GABPB2: variants seen among roughly 807,000 people sequenced by gnomAD.
GABPB2 encodes the protein GA binding protein transcription factor subunit beta 2.
GABPB2 carries 23 observed loss-of-function variants against 39.1 expected under a neutral mutation model. The observed-to-expected ratio is 0.59, with a 90% CI of 0.42 to 0.83. The LOEUF (loss-of-function observed/expected upper bound fraction) is 0.83, where lower values mean the gene tolerates loss of function less well. Ranked by LOEUF, GABPB2 falls within the 40% of genes least tolerant of loss-of-function variation. The probability of loss-of-function intolerance (pLI) is 0.00; values close to 1 mark genes in which losing one functional copy is unlikely to be tolerated. For synonymous variants in GABPB2, 184 were observed against 199.3 expected (o/e 0.92, Z 0.65); for missense variants, 467 against 541.1 (o/e 0.86, Z 1.36).
chr1:151,081,441 A>G (rs1571896577), intron 1 of GABPB2, among the ~76,000 whole-genome samples: 1 of 152,134 alleles, frequency 6.6e-6, no homozygotes, highest in East Asian at 2.0e-4. Context: ...GTGAACCGAG[A>G]TTGTGTCACT....
At chr1:151,083,453 G>A (rs1326790012) in intron 1 of GABPB2, among the ~76,000 whole-genome samples, 1 of 152,082 alleles carries the variant, frequency 6.6e-6, no homozygotes, top group Non-Finnish European at 1.5e-5. Flanking sequence ...CCAACATGGC[G>A]AAAACCTGTC....
rs1571903893 is a variant in GABPB2 at position 151,083,649 on chromosome 1, A to C, written c.1-4541A>C. On this transcript the variant is annotated intron_variant, in intron 1 of 8. Transcript: ENST00000368918. ...ACTCCGTCTCTATAGAGAGAAAAAAAAAAAATTATATATATATATATGTAT... is the reference window on the plus strand; with the variant it reads ...ACTCCGTCTCTATAGAGAGAAAAAACAAAAATTATATATATATATATGTAT... 2.7e-5 allele frequency among the ~76,000 whole-genome samples: 4 copies of C among 149,318 alleles called. No homozygotes were observed. In the South Asian group the frequency reaches 8.4e-4, roughly 31 times the overall value.
chr1:151,117,851 T>C, intron 8 of GABPB2, 106 bp from the exon 9 acceptor site: 9 of 1,113,460 alleles, frequency 8.1e-6, no homozygotes, highest in Non-Finnish European at 1.0e-5. Flanking sequence ...CCCAAAGTGC[T>C]TGGATTATAG....
intron 1 of GABPB2, 49 bp downstream of exon 1, chr1:151,070,983 G>A (rs892285188): frequency 1.3e-5 from 2 of 149,472 alleles, no homozygotes; most frequent in African/African-American, 5.1e-5. Flanking sequence ...GTCAGGGCTG[G>A]AAAGGAAAGT....
Position 151,107,216 on chromosome 1 carries a change from C to A in GABPB2, c.916C>A (p.Gln306Lys). 1 of 1,573,436 alleles carries A rather than the reference C, an allele frequency of 6.4e-7. No individual in the cohort carries two copies. Among genetic ancestry groups the A allele is most frequent in the South Asian group, 1.2e-5 (1 of 84,458 alleles). The part of the protein sequence containing the change: ...QPFIVTVQDG[Q>K]QVLTVPAGKV... ...ATTTATTGTAACTGTGCAAGATGGACAGCAAGGTGAGTTATCTCTTGTAGA... is the reference window on the plus strand; with the variant it reads ...ATTTATTGTAACTGTGCAAGATGGAAAGCAAGGTGAGTTATCTCTTGTAGA... Residue 306 changes from glutamine to lysine, a missense_variant, in exon 7 of 9, where the codon CAG becomes AAG. Physicochemically the swap from Gln to Lys is moderately conservative, Grantham distance 53. Coordinates refer to ENST00000368918, the MANE Select transcript of GABPB2 (RefSeq NM_144618.3).
At chr1:151,081,524 A>G (rs922836440) in intron 1 of GABPB2, among the ~76,000 whole-genome samples, 2 of 152,194 alleles carry the variant, frequency 1.3e-5, no homozygotes, top group East Asian at 1.9e-4. Context: ...AACAAACCGT[A>G]TATATATATC....
rs1680963700 is a variant in GABPB2 at position 151,117,463 on chromosome 1, C to T, written c.994C>T (p.Leu332=). 1.9e-6 allele frequency: 3 copies of T among 1,613,924 alleles called. No individual in the cohort carries two copies. The highest frequency in any genetic ancestry group is 1.7e-5 in the Admixed American group (1 of 60,004). ...IKEEEEEKLP[L]TKKPRIGEKT... ...AGAGGAAGAAGAAGAGAAGTTGCCA[C>T]TAACAAAGAAACCAAGGATAGGAGA... The change falls in exon 8 of 9, where the codon CTA becomes TTA. Residue 332 remains leucine (L), a synonymous_variant. Transcript: ENST00000368918.
intron 1 of GABPB2, among the ~76,000 whole-genome samples, chr1:151,086,816 T>C (rs4421597): frequency 0.93 from 141,144 of 152,072 alleles, 65,541 homozygotes; most frequent in East Asian, 0.97. Context: ...TATAGGCACG[T>C]ACCACCATGC....
chr1:151,073,763 T>C (rs1271701690), intron 1 of GABPB2, among the ~76,000 whole-genome samples: 1 of 151,340 alleles, frequency 6.6e-6, no homozygotes, highest in Non-Finnish European at 1.5e-5. Context: ...CTAATAAAAA[T>C]ACAAAAATTA....
chr1:151,101,056 GC>G (rs1473984396), intron 5 of GABPB2, among the ~76,000 whole-genome samples: 1 of 150,078 alleles, frequency 6.7e-6, no homozygotes, highest in Non-Finnish European at 1.5e-5. Context: ...AGCAGCCTGG[GC>G]AGCATGGTGA....
At chr1:151,088,557 T>A in intron 2 of GABPB2, 4 of 804,448 alleles carry the variant, frequency 5.0e-6, no homozygotes, top group Non-Finnish European at 7.2e-6. Flanking sequence ...TTTTTTAGAG[T>A]ATTTTCTAAA....
chr1:151,083,926 A>T (rs1241447279), intron 1 of GABPB2, among the ~76,000 whole-genome samples: 1 of 150,162 alleles, frequency 6.7e-6, no homozygotes, highest in African/African-American at 2.4e-5. Context: ...TTTTTAGTAG[A>T]GATGGGGTTT....
In GABPB2 at chr1:151,118,303, A is replaced by G. The variant is rs1681042789; in HGVS notation, c.*47A>G. 1 of 1,512,988 alleles carries G rather than the reference A, an allele frequency of 6.6e-7. No homozygotes were observed. Among genetic ancestry groups the G allele is most frequent in the Admixed American group, 2.0e-5 (1 of 49,170 alleles). The allele number at this position is 1,512,988 out of a possible 1,614,324, so 93.7% of individuals were successfully genotyped here. A position where few individuals can be genotyped will look rare whatever the true frequency, so the allele number is the denominator to read the frequency against. The stretch of plus-strand genomic sequence containing the variant: ...ACTGTGTTCATATTAATCCTCTTTT[A>G]AAAAAGGAAATATACAGAAGACAAA... On this transcript the variant is annotated 3_prime_UTR_variant, in exon 9 of 9. Coordinates refer to ENST00000368918, the MANE Select transcript of GABPB2 (RefSeq NM_144618.3).
Position 151,107,090 on chromosome 1 carries a change from G to A in GABPB2, c.790G>A (p.Val264Ile), listed in dbSNP as rs769723567. ...GNSVDSSIQQ[V>I]MGSGGQRVIT... is the part of the protein sequence containing the mutation. ...TTCCGTTGACTCATCAATCCAGCAA[G>A]TAATGGGGAGTGGAGGCCAGAGGGT... is the stretch of plus-strand genomic sequence containing the variant. Residue 264 changes from valine to isoleucine, a missense_variant, in exon 7 of 9, where the codon GTA (valine) becomes ATA (isoleucine). Val to Ile is a conservative substitution (Grantham distance 29). Coordinates refer to ENST00000368918, the MANE Select transcript of GABPB2 (RefSeq NM_144618.3). 12 of 1,613,120 alleles carry A rather than the reference G, an allele frequency of 7.4e-6. No homozygotes were observed. In the East Asian group the frequency reaches 2.7e-4, roughly 36 times the overall value.
At chr1:151,103,506 AT>A (rs747233240) in intron 5 of GABPB2, 55 bp from the exon 6 acceptor site, 8 of 1,166,186 alleles carry the variant, frequency 6.9e-6, no homozygotes, top group Non-Finnish European at 8.9e-6. Context: ...GCTGTTTTTA[AT>A]TTGCCTCAAT....
intron 1 of GABPB2, among the ~76,000 whole-genome samples, chr1:151,071,562 C>T (rs1422103348): frequency 1.3e-5 from 2 of 151,532 alleles, no homozygotes; most frequent in Admixed American, 1.3e-4. Context: ...CTCCGCTTCC[C>T]GGGTTCAAGC....
intron 5 of GABPB2, among the ~76,000 whole-genome samples, chr1:151,102,853 A>C (rs1679643453): frequency 6.6e-6 from 1 of 152,132 alleles, no homozygotes; most frequent in Admixed American, 6.6e-5. Context: ...GAAGGGGACT[A>C]TTCCCTTATC....
chr1:151,101,532 C>G (rs982992535), intron 5 of GABPB2, among the ~76,000 whole-genome samples: 6 of 151,884 alleles, frequency 4.0e-5, no homozygotes, highest in African/African-American at 1.5e-4. Context: ...TGAGATCGCG[C>G]CACTGCACTC....
intron 6 of GABPB2, among the ~76,000 whole-genome samples, chr1:151,104,821 T>TTCCTTTC (rs1679833184): frequency 1.3e-5 from 2 of 151,212 alleles, no homozygotes; most frequent in South Asian, 4.2e-4. Context: ...TTTCCTTTCT[T>TTCCTTTC]TCTTTCTTTC....
Sources: allele counts gnomAD v4.1 joint callset (sites outside exome capture counted in the v4.1 genomes callset), GRCh38; gene constraint gnomAD v4.1.1; transcripts MANE v1.5; gene names NCBI Gene and HGNC (gene_info 2026-07-23, HGNC 2026-07-21).